LRRIQ3: variants seen among roughly 807,000 people sequenced by gnomAD.
The protein encoded by LRRIQ3 is leucine-rich repeat and IQ domain-containing protein 3.
A neutral mutation model predicts 59.3 loss-of-function variants in LRRIQ3; 75 were observed. That is an observed-to-expected ratio of 1.26 (90% CI 1.05 to 1.53). The LOEUF is 1.53. Among genes scored for constraint, LRRIQ3 ranks in the 40% most tolerant of loss-of-function variants. The pLI is 0.00. For missense variants in LRRIQ3, 831 were observed against 710.0 expected (o/e 1.17, Z -1.94); for synonymous variants, 250 against 231.3 (o/e 1.08, Z -0.73).
chr1:74,059,097 T>C (rs1361290209), intron 6 of LRRIQ3, among the ~76,000 whole-genome samples: 1 of 64,274 alleles, frequency 1.6e-5, no homozygotes, highest in Non-Finnish European at 4.6e-5. Context: ...TGGATACAAG[T>C]CCATAGCAGA....
At chr1:74,190,714 T>C (rs1283084687) in intron 1 of LRRIQ3, among the ~76,000 whole-genome samples, 1 of 151,358 alleles carries the variant, frequency 6.6e-6, no homozygotes, top group African/African-American at 2.4e-5. Context: ...CACACCTAGA[T>C]AATTAATATA....
chr1:74,166,375 C>T (rs1181334622), intron 3 of LRRIQ3, among the ~76,000 whole-genome samples: 2 of 151,558 alleles, frequency 1.3e-5, no homozygotes, highest in South Asian at 2.1e-4. Context: ...ATTCTGTTAA[C>T]ATTTGCAAGG....
intron 5 of LRRIQ3, chr1:74,084,116 G>T (rs1646301824): frequency 1.3e-6 from 2 of 1,512,608 alleles, no homozygotes; most frequent in Non-Finnish European, 1.8e-6. Flanking sequence ...TCATCCTGTT[G>T]TCCAATGAAT....
intron 5 of LRRIQ3, among the ~76,000 whole-genome samples, chr1:74,090,485 C>G (rs115352778): frequency 6.6e-6 from 1 of 151,770 alleles, no homozygotes; most frequent in East Asian, 1.9e-4. Context: ...GAAGACTGTA[C>G]CAGAAATACT....
chr1:74,130,311 A>G (rs1466664625), intron 4 of LRRIQ3, among the ~76,000 whole-genome samples: 2 of 152,092 alleles, frequency 1.3e-5, no homozygotes, highest in Admixed American at 6.6e-5. Flanking sequence ...CCCTATGGCT[A>G]TGGCTGATCT....
At chr1:74,031,576 C>T (rs1026328551) in intron 7 of LRRIQ3, among the ~76,000 whole-genome samples, 33 of 144,506 alleles carry the variant, frequency 2.3e-4, no homozygotes, top group African/African-American at 5.2e-4. Context: ...AACACTTGAA[C>T]ACAGGAAGGG....
chr1:74,192,919 C>A (rs1365071606), intron 1 of LRRIQ3, among the ~76,000 whole-genome samples: 2 of 151,996 alleles, frequency 1.3e-5, no homozygotes, highest in African/African-American at 4.8e-5. Context: ...TTTTGTTTCT[C>A]ATTATTTATT....
intron 5 of LRRIQ3, among the ~76,000 whole-genome samples, chr1:74,079,261 T>C (rs1646245455): frequency 6.6e-6 from 1 of 151,704 alleles, no homozygotes; most frequent in Non-Finnish European, 1.5e-5. Flanking sequence ...GCCAAACTCA[T>C]CTCATGCTAC....
chr1:74,098,132 C>A (rs554716363), intron 5 of LRRIQ3, among the ~76,000 whole-genome samples: 1 of 151,020 alleles, frequency 6.6e-6, no homozygotes, highest in Non-Finnish European at 1.5e-5. Context: ...AGAGTCAAGA[C>A]CCATCAGTGT....
intron 7 of LRRIQ3, among the ~76,000 whole-genome samples, chr1:74,034,782 A>C (rs1456586954): frequency 7.4e-6 from 1 of 134,854 alleles, no homozygotes; most frequent in Non-Finnish European, 1.6e-5. Context: ...AATTGCTTAT[A>C]AGTAGGAAAA....
intron 1 of LRRIQ3, among the ~76,000 whole-genome samples, chr1:74,194,575 T>C (rs2100748851): frequency 6.6e-6 from 1 of 152,316 alleles, no homozygotes; most frequent in South Asian, 2.1e-4. Flanking sequence ...GACCTCATTT[T>C]TCAATTTTTA....
intron 5 of LRRIQ3, among the ~76,000 whole-genome samples, chr1:74,104,901 T>C (rs956919711): frequency 1.3e-5 from 2 of 151,946 alleles, no homozygotes; most frequent in African/African-American, 4.8e-5. Context: ...TTGTGGGGTA[T>C]AGGGAAACTC....
At chr1:74,189,739 G>C (rs186824346) in intron 1 of LRRIQ3, among the ~76,000 whole-genome samples, 175 of 151,820 alleles carry the variant, frequency 1.2e-3, no homozygotes, top group Non-Finnish European at 9.0e-4. Flanking sequence ...CTTTTTCTTT[G>C]TTCTCATTCT....
At chr1:74,036,727 T>C (rs1228781078) in intron 7 of LRRIQ3, among the ~76,000 whole-genome samples, 5 of 152,300 alleles carry the variant, frequency 3.3e-5, no homozygotes, top group Non-Finnish European at 5.9e-5. Flanking sequence ...CTACATCACC[T>C]GTAAGAGAAC....
intron 6 of LRRIQ3, among the ~76,000 whole-genome samples, chr1:74,068,304 T>C (rs991595625): frequency 6.6e-6 from 1 of 152,090 alleles, no homozygotes; most frequent in African/African-American, 2.4e-5. Context: ...CATCTAAGAA[T>C]CAATGTGGGT....
chr1:74,081,203 C>T (rs1034060457), intron 5 of LRRIQ3, among the ~76,000 whole-genome samples: 1 of 151,500 alleles, frequency 6.6e-6, no homozygotes, highest in Non-Finnish European at 1.5e-5. Flanking sequence ...TAAATAAACA[C>T]AGGAAACATA....
chr1:74,041,981 C>T, intron 6 of LRRIQ3, 48 bp from the exon 7 acceptor site: 1 of 1,425,282 alleles, frequency 7.0e-7, no homozygotes, highest in South Asian at 1.8e-5. Flanking sequence ...GAGCTAAGTA[C>T]ATTTTATTTT....
chr1:74,132,444 G>A (rs573085622), intron 4 of LRRIQ3, among the ~76,000 whole-genome samples: 70 of 152,130 alleles, frequency 4.6e-4, no homozygotes, highest in African/African-American at 1.2e-3. Flanking sequence ...TGGAGGCGTC[G>A]TGCTACCTGA....
intron 5 of LRRIQ3, among the ~76,000 whole-genome samples, chr1:74,077,634 G>A (rs184683832): frequency 8.5e-4 from 129 of 151,972 alleles, no homozygotes; most frequent in African/African-American, 3.0e-3. Context: ...GGCTGTCATT[G>A]CTTGCCACAT....
Sources: gnomAD v4.1 joint callset for allele counts (sites outside exome capture counted in the v4.1 genomes callset) on GRCh38, gnomAD v4.1.1 for gene constraint, MANE v1.5 for transcripts, NCBI Gene and HGNC (gene_info 2026-07-23, HGNC 2026-07-21) for gene names.